CUBN: variants seen among roughly 807,000 people sequenced by gnomAD.
CUBN encodes the protein cubilin.
In CUBN, 282 loss-of-function variants were observed where a neutral mutation model predicts 405.3. That is an observed-to-expected ratio of 0.70 (90% confidence interval 0.63 to 0.77). CUBN has a LOEUF of 0.77. CUBN is among the 30% of genes least tolerant of loss of function. CUBN has a pLI of 0.00. For missense variants in CUBN, 4,514 were observed against 4,475.2 expected (o/e 1.01, Z -0.25); for synonymous variants, 1,684 against 1,617.0 (o/e 1.04, Z -0.99).
chr10:17,079,057 C>A (rs768444069), intron 17 of CUBN, among the ~76,000 whole-genome samples: 3 of 152,064 alleles, frequency 2.0e-5, no homozygotes, highest in Non-Finnish European at 4.4e-5. Context: ...TCCCACTACT[C>A]CAACCTACAG....
In CUBN at chr10:16,865,809, C is replaced by T. The variant is rs990071282; in HGVS notation, c.9454+3827G>A. 1.4e-4 allele frequency among the ~76,000 whole-genome samples: 22 copies of T among 152,172 alleles called. No homozygotes were observed. In the East Asian group the frequency reaches 1.5e-3, roughly 11 times the overall value. On this transcript the variant is annotated intron_variant, in intron 59 of 66. Transcript: ENST00000377833. ...CCTGCTCGGGTACCCTTCCACGCTGCGGAAGTTTTGTTTTTTTGCTCTTTA... is the reference window on the plus strand; with the variant it reads ...CCTGCTCGGGTACCCTTCCACGCTGTGGAAGTTTTGTTTTTTTGCTCTTTA...
chr10:16,904,252 T>C, intron 50 of CUBN, 137 bp from the exon 51 acceptor site: 1 of 828,096 alleles, frequency 1.2e-6, no homozygotes, highest in Non-Finnish European at 2.0e-6. Flanking sequence ...CATTGCACAA[T>C]ATTTGTGTGT....
In CUBN at chr10:16,972,851, G is replaced by A. The variant is rs140764469; in HGVS notation, c.4695+9633C>T. 2.6e-4 allele frequency among the ~76,000 whole-genome samples: 39 copies of A among 151,350 alleles called. No individual in the cohort carries two copies. The Middle Eastern group carries it at 0.01, about 40-fold the overall frequency. ...GTGACAGTTCTCCACGTGTCCCTGC[G>A]CTCTCCATGTGTCCCAAGACCACTG... On this transcript the variant is annotated intron_variant, in intron 31 of 66. Transcript: ENST00000377833.
At chr10:16,920,203 T>A in intron 43 of CUBN, 66 bp from the exon 44 acceptor site, 3 of 1,509,472 alleles carry the variant, frequency 2.0e-6, no homozygotes, top group Non-Finnish European at 2.8e-6. Flanking sequence ...TGGCCACAAA[T>A]CATCTTTTAA....
In CUBN at chr10:16,899,101, A is replaced by G. The variant is rs748450206; in HGVS notation, c.8493T>C (p.Cys2831=). 33 of 1,613,838 alleles carry G rather than the reference A, an allele frequency of 2.0e-5. No individual in the cohort carries two copies. The South Asian group carries it at 3.6e-4, about 18-fold the overall frequency. The change falls in exon 54 of 67, where the codon TGT becomes TGC. Residue 2831 remains cysteine, a synonymous_variant. Coordinates refer to ENST00000377833, the MANE Select transcript of CUBN (RefSeq NM_001081.4). ...WPQNFPENSR[C]SWTAITHKSK... is the part of the protein sequence containing the mutation. ...TTTTGTGAGTAATGGCCGTCCAGGA[A>G]CATCTGCTGTTTTCGGGAAAATTCT...
At chr10:16,956,785 T>C (rs1843076645) in intron 31 of CUBN, among the ~76,000 whole-genome samples, 2 of 152,172 alleles carry the variant, frequency 1.3e-5, no homozygotes, top group Non-Finnish European at 2.9e-5. Context: ...CTCAAGATAA[T>C]TTATTCATTT....
intron 41 of CUBN, among the ~76,000 whole-genome samples, chr10:16,926,501 T>C (rs1053170277): frequency 6.6e-6 from 1 of 151,934 alleles, no homozygotes; most frequent in African/African-American, 2.4e-5. Flanking sequence ...AGGAGCAGAG[T>C]GTCCAATAAG....
At chr10:16,949,464 T>TGTGTGTGTG (rs1554798711) in intron 34 of CUBN, among the ~76,000 whole-genome samples, 1,918 of 71,610 alleles carry the variant, frequency 0.027, 20 homozygotes, top group East Asian at 0.061. Flanking sequence ...TGTGTGTGTG[T>TGTGTGTGTG]AGTGTGTGTG....
In CUBN at chr10:16,877,090, G is replaced by C; in HGVS notation, c.8913C>G (p.Ser2971=). Residue 2971 remains serine, a synonymous_variant, in exon 57 of 67, where the codon TCC becomes TCG. Coordinates refer to ENST00000377833, the MANE Select transcript of CUBN (RefSeq NM_001081.4). ...CGTTGACACAGCTTCCCGTCACAGC[G>C]GAACGAGCTGGAAAAGGCATGGAAC... ...TFVSFHLEAR[S]AVTGSCVNDG... is the part of the protein sequence containing the mutation. The C allele has an allele frequency of 6.2e-7, 1 of 1,612,922 alleles. No individual in the cohort carries two copies. Among genetic ancestry groups the C allele is most frequent in the Non-Finnish European group, 8.5e-7 (1 of 1,179,486 alleles).
rs371014531 is a variant in CUBN, at chr10:17,085,778, T to C, written c.1948-19A>G. The C allele has an allele frequency of 1.9e-5, 30 of 1,611,964 alleles. No homozygotes were observed. Among genetic ancestry groups the C allele is most frequent in the Non-Finnish European group, 2.5e-5 (29 of 1,178,600 alleles). On this transcript the variant is annotated intron_variant, in intron 15 of 66. Transcript: ENST00000377833. ...CTCGAATCTAAAACAAAAGGATGAATCATTAAGCTCAAAGTGGTCAGATTT... is the reference window on the plus strand; with the variant it reads ...CTCGAATCTAAAACAAAAGGATGAACCATTAAGCTCAAAGTGGTCAGATTT...
At chr10:16,954,053 T>C (rs1842987967) in intron 32 of CUBN, among the ~76,000 whole-genome samples, 1 of 152,086 alleles carries the variant, frequency 6.6e-6, no homozygotes, top group Admixed American at 6.5e-5. Context: ...TACAAGCAAG[T>C]CTTGTAATTG....
intron 28 of CUBN, among the ~76,000 whole-genome samples, chr10:17,001,385 T>C (rs1173448458): frequency 6.6e-6 from 1 of 152,216 alleles, no homozygotes; most frequent in Non-Finnish European, 1.5e-5. Flanking sequence ...TACAGAGCGC[T>C]GGTTGGTCCA....
chr10:16,951,315 C>A (rs1842916482), intron 33 of CUBN, among the ~76,000 whole-genome samples: 1 of 152,192 alleles, frequency 6.6e-6, no homozygotes, highest in Non-Finnish European at 1.5e-5. Context: ...AAGATACTAG[C>A]AATTTGTTAA....
Position 16,954,621 on chromosome 10 carries a change from G to A in CUBN, c.4696-73C>T, listed in dbSNP as rs1843002473. 9 of 1,502,616 alleles carry A rather than the reference G, an allele frequency of 6.0e-6. No individual in the cohort carries two copies. In the East Asian group the frequency reaches 2.1e-4, roughly 35 times the overall value. 93.1% of individuals were successfully genotyped at this position (1,502,616 alleles called of 1,614,324 possible). ...AAGGCCTGTATTCCACGAACTGTCT[G>A]CACGCCGATATACTAGTGGATAATC... On this transcript the variant is annotated intron_variant, in intron 31 of 66. Coordinates refer to ENST00000377833, the MANE Select transcript of CUBN (RefSeq NM_001081.4).
chr10:16,888,896 GAAAT>G (rs1176414116), intron 55 of CUBN, among the ~76,000 whole-genome samples: 6 of 152,022 alleles, frequency 3.9e-5, no homozygotes, highest in African/African-American at 1.2e-4. Flanking sequence ...TGCAGATAAA[GAAAT>G]AAAACAGATA....
intron 31 of CUBN, among the ~76,000 whole-genome samples, chr10:16,964,427 T>C (rs1843329141): frequency 6.6e-6 from 1 of 152,158 alleles, no homozygotes; most frequent in African/African-American, 2.4e-5. Flanking sequence ...AAATTATATA[T>C]AATATTATCT....
chr10:17,127,837 T>G lies in CUBN; in HGVS notation c.340A>C (p.Asn114His). ...QNISSQIYQL[N>H]SKLVDLERKF... is the part of the protein sequence containing the mutation. ...GTAGATGTCAGACTTACCTTGGAAT[T>G]AAGCTGATAGATTTGACTAGATATA... Residue 114 changes from asparagine to histidine, a missense_variant, in exon 3 of 67, where the codon AAT becomes CAT. Asn to His is a moderately conservative substitution (Grantham distance 68). Coordinates refer to ENST00000377833, the MANE Select transcript of CUBN (RefSeq NM_001081.4). 6.2e-7 allele frequency: 1 copy of G among 1,610,964 alleles called. No individual in the cohort carries two copies. Among genetic ancestry groups the G allele is most frequent in the Non-Finnish European group, 8.5e-7 (1 of 1,177,144 alleles).
chr10:16,922,254 C>T (rs183675499), intron 43 of CUBN, among the ~76,000 whole-genome samples: 2 of 152,200 alleles, frequency 1.3e-5, no homozygotes, highest in Admixed American at 6.5e-5. Flanking sequence ...AACAACTGCT[C>T]CTAAGGCTCC....
At chr10:17,111,353 C>T (rs1836767594) in intron 8 of CUBN, among the ~76,000 whole-genome samples, 1 of 152,190 alleles carries the variant, frequency 6.6e-6, no homozygotes, top group Middle Eastern at 3.4e-3. Flanking sequence ...CTGCCAGTTG[C>T]ACCTATTAAA....
Sources: gnomAD v4.1 joint callset for allele counts (sites outside exome capture counted in the v4.1 genomes callset) on GRCh38, gnomAD v4.1.1 for gene constraint, MANE v1.5 for transcripts, NCBI Gene and HGNC (gene_info 2026-07-23, HGNC 2026-07-21) for gene names.